The following ITGA1 variants were observed in gnomAD, a reference collection of about 807,000 sequenced individuals.
The protein encoded by ITGA1 is integrin subunit alpha 1.
In ITGA1, 85 loss-of-function variants were observed where a neutral mutation model predicts 145.9. That is an observed-to-expected ratio of 0.58 (90% CI 0.49 to 0.70). The LOEUF (loss-of-function observed/expected upper bound fraction) is 0.70, where lower values mean the gene tolerates loss of function less well. Ranked by LOEUF, ITGA1 falls within the 30% of genes least tolerant of loss-of-function variation. The pLI is 0.00. For missense variants in ITGA1, 1,351 were observed against 1,418.7 expected (o/e 0.95, Z 0.77); for synonymous variants, 520 against 495.3 (o/e 1.05, Z -0.66).
chr5:52,935,495 A>G (rs1750952304), intron 23 of ITGA1, among the ~76,000 whole-genome samples: 1 of 152,182 alleles, frequency 6.6e-6, no homozygotes, highest in Non-Finnish European at 1.5e-5. Context: ...GTAAGAAACC[A>G]TAATGCTGCT....
Position 52,893,899 on chromosome 5 carries a change from G to T in ITGA1, c.1090+59G>T. ...TCTGCAATTCAAAATCAGTATAATG[G>T]GATTTTTGTATTTATTCCTAATACA... is the stretch of plus-strand genomic sequence containing the variant. On this transcript the variant is annotated intron_variant, in intron 9 of 28. Transcript: ENST00000282588. 3.7e-6 allele frequency: 5 copies of T among 1,359,288 alleles called. No homozygotes were observed. The South Asian group carries it at 4.1e-5, about 11-fold the overall frequency. 84.2% of individuals were successfully genotyped at this position (1,359,288 alleles called of 1,614,324 possible).
chr5:52,907,112 G>A (rs1257435203), intron 12 of ITGA1, among the ~76,000 whole-genome samples: 1 of 152,190 alleles, frequency 6.6e-6, no homozygotes, highest in Non-Finnish European at 1.5e-5. Context: ...TGTCAGCGTT[G>A]CTTAGCCTTA....
intron 6 of ITGA1, among the ~76,000 whole-genome samples, chr5:52,874,807 A>G (rs1749839854): frequency 6.6e-6 from 1 of 152,216 alleles, no homozygotes; most frequent in Non-Finnish European, 1.5e-5. Context: ...TGGGACAGCT[A>G]CAATGCATGA....
intron 1 of ITGA1, 106 bp downstream of exon 1, chr5:52,788,520 C>A (rs1234571239): frequency 4.1e-6 from 4 of 980,992 alleles, no homozygotes; most frequent in Non-Finnish European, 4.2e-6. Flanking sequence ...AGAGAGCGCC[C>A]ATCCACTTTC....
At chr5:52,799,183 G>GT (rs1323919735) in intron 1 of ITGA1, among the ~76,000 whole-genome samples, 5 of 152,232 alleles carry the variant, frequency 3.3e-5, no homozygotes, top group South Asian at 2.1e-4. Context: ...AGATTCTTTT[G>GT]TTTTTTCTAT....
chr5:52,811,515 A>G (rs1051036635), intron 1 of ITGA1, among the ~76,000 whole-genome samples: 7 of 152,178 alleles, frequency 4.6e-5, no homozygotes, highest in Non-Finnish European at 1.0e-4. Context: ...TTGGCTGACT[A>G]CTAAGGAGAG....
intron 24 of ITGA1, 26 bp downstream of exon 24, chr5:52,937,540 T>C (rs1476382180): frequency 2.3e-6 from 3 of 1,294,704 alleles, no homozygotes; most frequent in Non-Finnish European, 3.4e-6. Context: ...CTTGGAATTA[T>C]GTCATTACTG....
intron 2 of ITGA1, among the ~76,000 whole-genome samples, chr5:52,860,092 C>T (rs931854962): frequency 6.6e-6 from 1 of 152,096 alleles, no homozygotes; most frequent in African/African-American, 2.4e-5. Flanking sequence ...TCTAAGTAAA[C>T]TTTAGTTTAT....
At chr5:52,809,964 A>G (rs1028864051) in intron 1 of ITGA1, among the ~76,000 whole-genome samples, 1 of 152,210 alleles carries the variant, frequency 6.6e-6, no homozygotes, top group African/African-American at 2.4e-5. Context: ...ATGAAAATCA[A>G]ATACAGACCA....
chr5:52,816,314 A>G (rs1748774552), intron 1 of ITGA1, among the ~76,000 whole-genome samples: 1 of 152,232 alleles, frequency 6.6e-6, no homozygotes, highest in Non-Finnish European at 1.5e-5. Flanking sequence ...CTTGTTTTCA[A>G]ATAAAGATCA....
rs773885574 is a variant in ITGA1, at chr5:52,887,979, C to T, written c.924+14C>T. 1.9e-5 allele frequency: 31 copies of T among 1,605,846 alleles called. No homozygotes were observed. The East Asian group carries it at 2.2e-4, about 12-fold the overall frequency. On this transcript the variant is annotated intron_variant, in intron 8 of 28. Transcript: ENST00000282588. Reference sequence around the variant, plus strand: ...TTTTCCATAGCTGTAAGTGTGTTGCCGGAGATATTTTCAAACTCTTAGGTG... The same window carrying T: ...TTTTCCATAGCTGTAAGTGTGTTGCTGGAGATATTTTCAAACTCTTAGGTG...
At chr5:52,793,882 A>G (rs1487495881) in intron 1 of ITGA1, among the ~76,000 whole-genome samples, 2 of 152,044 alleles carry the variant, frequency 1.3e-5, no homozygotes, top group Non-Finnish European at 2.9e-5. Flanking sequence ...GCACAGGATT[A>G]ATGACTCTAG....
rs1234145332 is a variant in ITGA1 at position 52,955,164 on chromosome 5, A to G, written c.*2713A>G. On this transcript the variant is annotated 3_prime_UTR_variant, in exon 29 of 29. Transcript: ENST00000282588. ...AACAACACACTGTCCAGGAGGGAAA[A>G]AAAAAACAGTCTCTGATTTGTATCA... The G allele has an allele frequency of 6.6e-6, 1 of 151,746 alleles. No individual in the cohort carries two copies. Among genetic ancestry groups the G allele is most frequent in the Non-Finnish European group, 1.5e-5 (1 of 67,904 alleles). 9.4% of individuals were successfully genotyped at this position (151,746 alleles called of 1,614,324 possible).
chr5:52,948,730 T>C lies in ITGA1; in HGVS notation c.3495+1269T>C, dbSNP rs115505570. Reference sequence around the variant, plus strand: ...TGGTGTCAAGGTTGTACTTGAAATATAGGAAGTGGTTTCTTCATTTCTATG... The same window carrying C: ...TGGTGTCAAGGTTGTACTTGAAATACAGGAAGTGGTTTCTTCATTTCTATG... On this transcript the variant is annotated intron_variant, in intron 28 of 28. Transcript: ENST00000282588. 6.2e-3 allele frequency: 944 copies of C among 152,348 alleles called. 7 individuals carry two copies. The highest frequency in any genetic ancestry group is 0.022 in the African/African-American group (906 of 41,574). The allele number at this position is 152,348 out of a possible 1,614,324, so 9.4% of individuals were successfully genotyped here. A position where few individuals can be genotyped will look rare whatever the true frequency, so the allele number is the denominator to read the frequency against.
rs1023269384 is a variant in ITGA1, at chr5:52,953,442, C to T, written c.*991C>T. On this transcript the variant is annotated 3_prime_UTR_variant, in exon 29 of 29. Coordinates refer to ENST00000282588, the MANE Select transcript of ITGA1 (RefSeq NM_181501.2). ...TACAGGGTTCATTCAAACCCCCAAGCTGTGAGAGTGTGTTTATTTTTAATT... is the reference window on the plus strand; with the variant it reads ...TACAGGGTTCATTCAAACCCCCAAGTTGTGAGAGTGTGTTTATTTTTAATT... 5.3e-5 allele frequency: 8 copies of T among 152,202 alleles called. No individual in the cohort carries two copies. Among genetic ancestry groups the T allele is most frequent in the African/African-American group, 1.9e-4 (8 of 41,454 alleles). 9.4% of individuals were successfully genotyped at this position (152,202 alleles called of 1,614,324 possible).
intron 26 of ITGA1, among the ~76,000 whole-genome samples, chr5:52,943,782 TC>T (rs1751087456): frequency 6.6e-6 from 1 of 152,132 alleles, no homozygotes; most frequent in Admixed American, 6.5e-5. Flanking sequence ...TGGGGGCTCC[TC>T]CCCTACTTGA....
At chr5:52,914,755 G>A (rs936047328) in intron 14 of ITGA1, among the ~76,000 whole-genome samples, 9 of 152,192 alleles carry the variant, frequency 5.9e-5, no homozygotes, top group African/African-American at 1.9e-4. Flanking sequence ...GGGTTTGTAA[G>A]TCCTGACTGC....
Position 52,893,713 on chromosome 5 carries a change from A to T in ITGA1, c.963A>T (p.Glu321Asp), listed in dbSNP as rs201769873. ...ATAACCGAGGAAATTTAAGCACTGA[A>T]AAATTTGTGGAGGAAATAAAATCAA... ...GSYNRGNLSTEKFVEEIKSIA... is the reference protein window; with the variant it reads ...GSYNRGNLSTDKFVEEIKSIA... Residue 321 changes from glutamate (E) to aspartate (D), a missense_variant, in exon 9 of 29, where the codon GAA becomes GAT. Coordinates refer to ENST00000282588, the MANE Select transcript of ITGA1 (RefSeq NM_181501.2). The T allele has an allele frequency of 5.1e-5, 83 of 1,613,144 alleles. No individual in the cohort carries two copies. In the East Asian group the frequency reaches 1.8e-3, roughly 36 times the overall value.
rs115979518 is a variant in ITGA1 at position 52,953,372 on chromosome 5, G to A, written c.*921G>A. 3 of 152,174 alleles carry A rather than the reference G, an allele frequency of 2.0e-5. No homozygotes were observed. The highest frequency in any genetic ancestry group is 4.8e-5 in the African/African-American group (2 of 41,432). The allele number at this position is 152,174 out of a possible 1,614,324, so 9.4% of individuals were successfully genotyped here. On this transcript the variant is annotated 3_prime_UTR_variant, in exon 29 of 29. Transcript: ENST00000282588. ...TGCTGAGCAGCTTTTGAATGCTAAG[G>A]GTTCCAGTATGTGACCCAAAGAAAG...
Sources: allele counts gnomAD v4.1 joint callset (sites outside exome capture counted in the v4.1 genomes callset), GRCh38; gene constraint gnomAD v4.1.1; transcripts MANE v1.5; gene names NCBI Gene and HGNC (gene_info 2026-07-23, HGNC 2026-07-21).